The following RIMKLB variants were observed in gnomAD, a reference collection of about 807,000 sequenced individuals.
RIMKLB encodes ribosomal modification protein rimK like family member B, also known as beta-citrylglutamate synthase B.
Under a neutral mutation model 32.0 loss-of-function variants are expected in RIMKLB, and 7 were observed. The ratio of observed to expected loss-of-function variants is 0.22; its 90% CI spans 0.12 to 0.41. The LOEUF (loss-of-function observed/expected upper bound fraction) is 0.41. Among genes scored for constraint, RIMKLB ranks in the 10% least tolerant of loss-of-function variants. The pLI is 1.00. For synonymous variants in RIMKLB, 172 were observed against 185.1 expected (o/e 0.93, Z 0.57); for missense variants, 289 against 498.7 (o/e 0.58, Z 4.00).
At chr12:8,770,722 T>C (rs1419683005) in intron 5 of RIMKLB, among the ~76,000 whole-genome samples, 11 of 152,182 alleles carry the variant, frequency 7.2e-5, no homozygotes, top group Non-Finnish European at 1.2e-4. Flanking sequence ...GTGTGGGGGA[T>C]TTCTCTATTT....
In RIMKLB at chr12:8,775,379, G is replaced by A; in HGVS notation, c.*1595G>A. 1 of 985,344 alleles carries A rather than the reference G, an allele frequency of 1.0e-6. No homozygotes were observed. The highest frequency in any genetic ancestry group is 1.2e-6 in the Non-Finnish European group (1 of 829,862). The allele number at this position is 985,344 out of a possible 1,614,324, so 61.0% of individuals were successfully genotyped here. ...CATATAATATGAGCCTTTAAAACAT[G>A]GGTAAAACTAATCCCATTGATGGGT... is the stretch of plus-strand genomic sequence containing the variant. On this transcript the variant is annotated 3_prime_UTR_variant, in exon 6 of 6. Coordinates refer to ENST00000535829, the MANE Select transcript of RIMKLB (RefSeq NM_001297776.2).
chr12:8,674,240 C>CTT, the RIMKLB span, among the ~76,000 whole-genome samples: 1,768 of 124,420 alleles, frequency 0.014, 55 homozygotes, highest in African/African-American at 0.049. Flanking sequence ...TTTTTTTTTC[C>CTT]TTTTTTTTTT....
At chr12:8,686,234 T>A (rs1942567354) in intron 1 of RIMKLB, among the ~76,000 whole-genome samples, 1 of 151,982 alleles carries the variant, frequency 6.6e-6, no homozygotes, top group Non-Finnish European at 1.5e-5. Flanking sequence ...ACATTACAGG[T>A]GTGAGCCACC....
In RIMKLB at chr12:8,775,052, CAT is replaced by C. The variant is rs1020342308; in HGVS notation, c.*1270_*1271del. 69 of 985,588 alleles carry C rather than the reference CAT, an allele frequency of 7.0e-5. No homozygotes were observed. The African/African-American group carries it at 1.0e-3, about 15-fold the overall frequency. 61.1% of individuals were successfully genotyped at this position (985,588 alleles called of 1,614,324 possible). A position where few individuals can be genotyped will look rare whatever the true frequency, so the allele number is the denominator to read the frequency against. The stretch of plus-strand genomic sequence containing the variant: ...TGGGGTAGAGGTATTCACCTTAAAA[CAT>C]AGGGTGAGTAGATGCTTTTTTAGGC... On this transcript the variant is annotated 3_prime_UTR_variant, in exon 6 of 6. Coordinates refer to ENST00000535829, the MANE Select transcript of RIMKLB (RefSeq NM_001297776.2).
intron 5 of RIMKLB, among the ~76,000 whole-genome samples, chr12:8,767,946 C>G (rs1378312702): frequency 6.6e-6 from 1 of 152,182 alleles, no homozygotes; most frequent in Non-Finnish European, 1.5e-5. Flanking sequence ...TTGGAGGTCC[C>G]TTCGTGGTCA....
chr12:8,680,777 G>A (rs933380621), upstream of RIMKLB, among the ~76,000 whole-genome samples: 1 of 152,158 alleles, frequency 6.6e-6, no homozygotes, highest in African/African-American at 2.4e-5. Context: ...ATCTTCCTGA[G>A]ACAGCCAGGG....
At chr12:8,782,481 ATTTTGGCTG>A (rs1951149007) in intron 7 of RIMKLB, among the ~76,000 whole-genome samples, 1 of 152,156 alleles carries the variant, frequency 6.6e-6, no homozygotes, top group African/African-American at 2.4e-5. Context: ...AAGGAAGCAC[ATTTTGGCTG>A]TTTTGGTGTC....
At chr12:8,782,597 T>C (rs189682819) in intron 7 of RIMKLB, among the ~76,000 whole-genome samples, 152 of 152,280 alleles carry the variant, frequency 1.0e-3, no homozygotes, top group African/African-American at 3.5e-3. Context: ...TTAGAATAGT[T>C]TTTCCTGAAG....
Position 8,712,344 on chromosome 12 carries a change from G to A in RIMKLB, c.-56-1467G>A, listed in dbSNP as rs185876902. On this transcript the variant is annotated intron_variant, in intron 1 of 5. Transcript: ENST00000535829. The stretch of plus-strand genomic sequence containing the variant: ...GGATAATCACTTGAACCCGGGAAGC[G>A]GAGGTTCCAGCAAGCCTAGATCACA... Among the ~76,000 whole-genome samples, 776 of 152,100 alleles carry A rather than the reference G, an allele frequency of 5.1e-3. 4 individuals are homozygous for A. Among genetic ancestry groups the A allele is most frequent in the African/African-American group, 0.018 (734 of 41,488 alleles).
intron 2 of RIMKLB, among the ~76,000 whole-genome samples, chr12:8,722,729 A>G (rs942506262): frequency 2.4e-4 from 37 of 152,168 alleles, no homozygotes; most frequent in African/African-American, 8.5e-4. Context: ...CACCTTCATC[A>G]ATTATCTTAG....
At chr12:8,750,500 C>G (rs778850638) in intron 3 of RIMKLB, among the ~76,000 whole-genome samples, 1 of 152,224 alleles carries the variant, frequency 6.6e-6, no homozygotes, top group South Asian at 2.1e-4. Flanking sequence ...AAAGATAATT[C>G]TAATTTTATG....
chr12:8,677,884 C>T (rs2136510831), upstream of RIMKLB, among the ~76,000 whole-genome samples: 1 of 151,758 alleles, frequency 6.6e-6, no homozygotes, highest in Admixed American at 6.6e-5. Flanking sequence ...TCCCAAGTAA[C>T]TGGGACTACA....
At chr12:8,677,932 A>ATATT (rs35415396), upstream of RIMKLB, among the ~76,000 whole-genome samples, 1,273 of 148,440 alleles carry the variant, frequency 8.6e-3, 12 homozygotes, top group African/African-American at 0.02. Context: ...TATTTTTATT[A>ATATT]TATTTATTTA....
At chr12:8,689,310 A>G (rs935469652) in intron 1 of RIMKLB, among the ~76,000 whole-genome samples, 1 of 152,242 alleles carries the variant, frequency 6.6e-6, no homozygotes, top group Non-Finnish European at 1.5e-5. Context: ...AGGACAGCAT[A>G]ACTTTTAGAC....
chr12:8,782,117 C>CTTTAGAACT (rs1370271209), downstream of RIMKLB, among the ~76,000 whole-genome samples: 17 of 138,962 alleles, frequency 1.2e-4, no homozygotes, highest in East Asian at 3.6e-3. Context: ...AATTTTAATG[C>CTTTAGAACT]TTTAGAACTG....
upstream of RIMKLB, among the ~76,000 whole-genome samples, chr12:8,678,087 G>A (rs1266360939): frequency 2.6e-5 from 4 of 151,060 alleles, no homozygotes; most frequent in Middle Eastern, 3.4e-3. Context: ...CACAAACCCA[G>A]CCTTGCCCCT....
intron 2 of RIMKLB, among the ~76,000 whole-genome samples, chr12:8,748,663 G>A (rs1948359866): frequency 6.6e-6 from 1 of 151,044 alleles, no homozygotes; most frequent in Admixed American, 6.6e-5. Context: ...AGAAACTCGG[G>A]GCGGCCGTGG....
At chr12:8,736,752 C>A (rs927786369) in intron 2 of RIMKLB, among the ~76,000 whole-genome samples, 1 of 151,704 alleles carries the variant, frequency 6.6e-6, no homozygotes, top group African/African-American at 2.4e-5. Flanking sequence ...TCCCAAAGTG[C>A]TGAGATTATA....
chr12:8,718,411 C>T (rs1175243859), intron 2 of RIMKLB, among the ~76,000 whole-genome samples: 3 of 152,106 alleles, frequency 2.0e-5, no homozygotes, highest in Non-Finnish European at 2.9e-5. Context: ...TTTGGGAATC[C>T]GAGGCCGGCA....
Sources: gnomAD v4.1 joint callset for allele counts (sites outside exome capture counted in the v4.1 genomes callset) on GRCh38, gnomAD v4.1.1 for gene constraint, MANE v1.5 for transcripts, NCBI Gene and HGNC (gene_info 2026-07-23, HGNC 2026-07-21) for gene names.